TSHR: variants seen among roughly 807,000 people sequenced by gnomAD.
TSHR encodes the protein thyrotropin receptor.
TSHR carries 51 observed loss-of-function variants against 64.1 expected under a neutral mutation model. That is an observed-to-expected ratio of 0.80 (90% CI 0.64 to 1.01). The LOEUF is 1.01. Among genes scored for constraint, TSHR ranks in the 50% least tolerant of loss-of-function variants. The pLI is 0.00. For synonymous variants in TSHR, 361 were observed against 361.9 expected (o/e 1.00, Z 0.03); for missense variants, 877 against 942.8 (o/e 0.93, Z 0.91).
chr14:80,964,137 G>A (rs532578191), intron 1 of TSHR, among the ~76,000 whole-genome samples: 4 of 152,158 alleles, frequency 2.6e-5, no homozygotes, highest in South Asian at 4.2e-4. Context: ...GAGGCGGAGC[G>A]GGGGCGGATC....
intron 1 of TSHR, chr14:80,991,472 G>A (rs1305704313): frequency 2.5e-6 from 1 of 395,956 alleles, no homozygotes; most frequent in African/African-American, 2.1e-5. Flanking sequence ...GCAATTAATG[G>A]TGACATGTCC....
At chr14:81,025,172 G>A (rs973639655) in intron 1 of TSHR, among the ~76,000 whole-genome samples, 2 of 152,120 alleles carry the variant, frequency 1.3e-5, no homozygotes, top group Non-Finnish European at 2.9e-5. Flanking sequence ...CTGTATTTGG[G>A]TTTGAAAGTT....
Position 80,968,500 on chromosome 14 carries a change from C to T in TSHR, c.170+12650C>T, listed in dbSNP as rs377718936. 3.5e-4 allele frequency among the ~76,000 whole-genome samples: 53 copies of T among 152,122 alleles called. 2 individuals are homozygous for T. The South Asian group carries it at 0.01, about 30-fold the overall frequency. On this transcript the variant is annotated intron_variant, in intron 1 of 9. Transcript: ENST00000298171. ...GGTTTGGGAAATAAACTAGTCTGCC[C>T]TGCTGCAGCTGATCTTAAGGATGCC...
At chr14:80,996,516 C>A (rs1315301831) in intron 1 of TSHR, among the ~76,000 whole-genome samples, 1 of 152,184 alleles carries the variant, frequency 6.6e-6, no homozygotes, top group Non-Finnish European at 1.5e-5. Context: ...CACAAAGAGA[C>A]ACACTGGTTT....
intron 7 of TSHR, among the ~76,000 whole-genome samples, chr14:81,097,927 T>A (rs560403157): frequency 1.1e-4 from 17 of 152,200 alleles, no homozygotes; most frequent in Non-Finnish European, 2.1e-4. Context: ...TACTACATAA[T>A]TATAGGCAAA....
At chr14:80,962,499 T>C (rs1006644303) in intron 1 of TSHR, among the ~76,000 whole-genome samples, 6 of 152,172 alleles carry the variant, frequency 3.9e-5, no homozygotes, top group Non-Finnish European at 7.4e-5. Context: ...ACTCCAATTA[T>C]TGGTTTTAGG....
chr14:81,062,090 G>A, intron 1 of TSHR, 58 bp from the exon 2 acceptor site: 1 of 1,403,598 alleles, frequency 7.1e-7, no homozygotes, highest in South Asian at 1.2e-5. Context: ...TAATTAAGGT[G>A]AATTATTAGA....
At chr14:81,110,314 T>C (rs115997211) in intron 8 of TSHR, among the ~76,000 whole-genome samples, 10 of 152,254 alleles carry the variant, frequency 6.6e-5, no homozygotes, top group African/African-American at 2.4e-4. Flanking sequence ...GGCTGTTAGG[T>C]GAGCCCTAAT....
chr14:81,102,079 G>C (rs980022912), intron 7 of TSHR, among the ~76,000 whole-genome samples: 1 of 151,866 alleles, frequency 6.6e-6, no homozygotes, highest in African/African-American at 2.4e-5. Flanking sequence ...GGCTGAGGCA[G>C]GAGAATGGTG....
chr14:80,986,841 T>G (rs1158277481), intron 1 of TSHR, among the ~76,000 whole-genome samples: 1 of 152,210 alleles, frequency 6.6e-6, no homozygotes, highest in African/African-American at 2.4e-5. Context: ...GTCTGTATCA[T>G]CTTCAAGATT....
At chr14:80,960,615 G>T (rs979453548) in intron 1 of TSHR, among the ~76,000 whole-genome samples, 1 of 152,172 alleles carries the variant, frequency 6.6e-6, no homozygotes, top group African/African-American at 2.4e-5. Context: ...AATATATAGA[G>T]AGAGGGAATA....
rs758247685 is a variant in TSHR, at chr14:81,144,365, A to G, written c.*12A>G. ...AAACGGTTTTGTAAGTTAACACTAC[A>G]CTACTCACAATGGTAGGGGAACTTA... is the stretch of plus-strand genomic sequence containing the variant. On this transcript the variant is annotated 3_prime_UTR_variant, in exon 10 of 10. Coordinates refer to ENST00000298171, the MANE Select transcript of TSHR (RefSeq NM_000369.5). The G allele has an allele frequency of 2.5e-6, 4 of 1,613,142 alleles. No individual in the cohort carries two copies. Among genetic ancestry groups the G allele is most frequent in the East Asian group, 2.2e-5 (1 of 44,896 alleles).
chr14:81,004,607 G>C (rs1194938414), intron 1 of TSHR, among the ~76,000 whole-genome samples: 2 of 152,160 alleles, frequency 1.3e-5, no homozygotes, highest in Non-Finnish European at 2.9e-5. Flanking sequence ...ACCAAAGACA[G>C]TTAGGTAGCA....
chr14:80,960,233 C>T (rs968076608), intron 1 of TSHR, among the ~76,000 whole-genome samples: 44 of 152,330 alleles, frequency 2.9e-4, no homozygotes, highest in African/African-American at 9.9e-4. Flanking sequence ...AATAATCTCA[C>T]GTACCTCCAA....
rs142814218 is a variant in TSHR at position 81,143,596 on chromosome 14, C to T, written c.1538C>T (p.Thr513Met). 9 of 1,613,584 alleles carry T rather than the reference C, an allele frequency of 5.6e-6. No homozygotes were observed. Among genetic ancestry groups the T allele is most frequent in the South Asian group, 3.3e-5 (3 of 91,080 alleles). ...AGCGAGTTATCGGTGTATACGCTGA[C>T]GGTCATCACCCTGGAGCGCTGGTAT... ...FASELSVYTL[T>M]VITLERWYAI... Residue 513 changes from threonine to methionine, a missense_variant, in exon 10 of 10, where the codon ACG (threonine) becomes ATG (methionine). Coordinates refer to ENST00000298171, the MANE Select transcript of TSHR (RefSeq NM_000369.5).
At chr14:80,984,668 A>G (rs1888346653) in intron 1 of TSHR, among the ~76,000 whole-genome samples, 1 of 152,224 alleles carries the variant, frequency 6.6e-6, no homozygotes, top group African/African-American at 2.4e-5. Flanking sequence ...TTTGCATGCC[A>G]GGTTACAATT....
chr14:81,095,169 C>G (rs1402602907), intron 6 of TSHR, among the ~76,000 whole-genome samples: 1 of 152,152 alleles, frequency 6.6e-6, no homozygotes, highest in African/African-American at 2.4e-5. Flanking sequence ...TATCTTCATG[C>G]CAATAACCAC....
chr14:81,076,059 A>C (rs1290894939), intron 3 of TSHR, among the ~76,000 whole-genome samples: 3 of 152,062 alleles, frequency 2.0e-5, no homozygotes, highest in Non-Finnish European at 4.4e-5. Context: ...AAAACCAAAC[A>C]CCGCATATTC....
At chr14:81,004,771 G>T (rs1889509172) in intron 1 of TSHR, among the ~76,000 whole-genome samples, 1 of 152,098 alleles carries the variant, frequency 6.6e-6, no homozygotes, top group African/African-American at 2.4e-5. Context: ...TCTTTGATTT[G>T]CTGACTCAGA....
Sources: allele counts gnomAD v4.1 joint callset (sites outside exome capture counted in the v4.1 genomes callset), GRCh38; gene constraint gnomAD v4.1.1; transcripts MANE v1.5; gene names NCBI Gene and HGNC (gene_info 2026-07-23, HGNC 2026-07-21).